Variants in MPHOSPH9 observed in about 807,000 individuals in gnomAD.
MPHOSPH9 encodes M-phase phosphoprotein 9.
Under a neutral mutation model 145.5 loss-of-function variants are expected in MPHOSPH9, and 88 were observed. That is an observed-to-expected ratio of 0.60 (90% CI 0.51 to 0.72). The LOEUF (loss-of-function observed/expected upper bound fraction) is 0.72. MPHOSPH9 is among the 30% of genes least tolerant of loss of function. The pLI is 0.00. For synonymous variants in MPHOSPH9, 435 were observed against 486.2 expected, an observed-to-expected ratio of 0.89 and a Z score of 1.39; for missense variants, 1,238 against 1,386.6, an observed-to-expected ratio of 0.89 and a Z score of 1.70.
chr12:123,233,269 A>AC (rs2047754118), upstream of MPHOSPH9: 1 of 151,986 alleles, frequency 6.6e-6, no homozygotes, highest in African/African-American at 2.4e-5. Context: ...GAGACATCCA[A>AC]CCCCGGGGGA....
chr12:123,232,882 C>G (rs1349052800), intron 1 of MPHOSPH9, 193 bp downstream of exon 1: 2 of 152,186 alleles, frequency 1.3e-5, no homozygotes, highest in African/African-American at 4.8e-5. Flanking sequence ...GGCGCCGAGT[C>G]TAGAAAAGGC....
Position 123,202,665 on chromosome 12 carries a change from G to C in MPHOSPH9, c.1740C>G (p.Cys580Trp), listed in dbSNP as rs536871070. The C allele has an allele frequency of 1.5e-5, 25 of 1,614,124 alleles. No homozygotes were observed. The highest frequency in any genetic ancestry group is 2.1e-5 in the Non-Finnish European group (25 of 1,180,006). ...LPGTANSVPECISLTSLEDPV... is the reference protein window; with the variant it reads ...LPGTANSVPEWISLTSLEDPV... ...GATCTTCCAAGGAAGTCAATGAAAT[G>C]CATTCTGGGACACTGTTGGCTGTAC... Residue 580 changes from cysteine to tryptophan, a missense_variant, in exon 10 of 24, where the codon TGC becomes TGG. Physicochemically the swap from Cys to Trp is radical, Grantham distance 215. Transcript: ENST00000606320.
Position 123,230,309 on chromosome 12 carries a change from G to C in MPHOSPH9, c.56C>G (p.Ser19Cys). Residue 19 changes from serine to cysteine, a missense_variant, in exon 2 of 24, where the codon TCT becomes TGT. Coordinates refer to ENST00000606320, the MANE Select transcript of MPHOSPH9 (RefSeq NM_022782.4). ...TLHKTSSSVG[S>C]DENSLHSLGL... The stretch of plus-strand genomic sequence containing the variant: ...AAGAGAATGAAGAGAATTTTCATCA[G>C]ATCCTACAGAAGATGAAGTTTTGTG... 6.5e-7 allele frequency: 1 copy of C among 1,534,288 alleles called. No individual in the cohort carries two copies. The highest frequency in any genetic ancestry group is 8.7e-7 in the Non-Finnish European group (1 of 1,145,598).
chr12:123,154,992 TAA>T lies in MPHOSPH9; in HGVS notation c.*1813_*1814del, dbSNP rs67657805. 10 of 137,426 alleles carry T rather than the reference TAA, an allele frequency of 7.3e-5. No homozygotes were observed. The highest frequency in any genetic ancestry group is 1.5e-4 in the Admixed American group (2 of 13,790). The allele number at this position is 137,426 out of a possible 1,614,324, so 8.5% of individuals were successfully genotyped here. A position where few individuals can be genotyped will look rare whatever the true frequency, so the allele number is the denominator to read the frequency against. On this transcript the variant is annotated 3_prime_UTR_variant, in exon 24 of 24. Transcript: ENST00000606320. ...CAATATGGTGAAACACCATCTCTAC[TAA>T]AAAAAAAAAAAAGATATATACATAC...
intron 16 of MPHOSPH9, among the ~76,000 whole-genome samples, chr12:123,172,871 CT>C (rs1161727056): frequency 1.2e-3 from 69 of 57,958 alleles, no homozygotes; most frequent in African/African-American, 3.2e-3. Flanking sequence ...TTTTCATTCA[CT>C]TTTTTTTTTT....
intron 5 of MPHOSPH9, among the ~76,000 whole-genome samples, chr12:123,221,017 T>C (rs903180027): frequency 2.6e-5 from 4 of 152,154 alleles, no homozygotes; most frequent in Non-Finnish European, 4.4e-5. Flanking sequence ...ATTGCGCCAC[T>C]GCACTCCAGC....
intron 22 of MPHOSPH9, 85 bp downstream of exon 22, chr12:123,161,051 C>G: frequency 6.7e-7 from 1 of 1,501,064 alleles, no homozygotes; most frequent in Non-Finnish European, 9.0e-7. Context: ...TTTCCTGAGA[C>G]AGGTTTGACT....
At chr12:123,226,658 TCA>T (rs1401358451) in intron 3 of MPHOSPH9, among the ~76,000 whole-genome samples, 4 of 152,078 alleles carry the variant, frequency 2.6e-5, no homozygotes, top group Non-Finnish European at 4.4e-5. Flanking sequence ...AGACAGGGTC[TCA>T]GTCTGTCACC....
intron 1 of MPHOSPH9, among the ~76,000 whole-genome samples, chr12:123,243,402 T>C (rs970265746): frequency 2.0e-5 from 3 of 152,082 alleles, no homozygotes; most frequent in Admixed American, 6.6e-5. Flanking sequence ...TGGTGGCAGA[T>C]GCCTGTAGTC....
At chr12:123,219,747 T>C (rs1412883676) in intron 5 of MPHOSPH9, among the ~76,000 whole-genome samples, 1 of 152,158 alleles carries the variant, frequency 6.6e-6, no homozygotes, top group Non-Finnish European at 1.5e-5. Flanking sequence ...ATGACACAAT[T>C]CAGGGACATG....
chr12:123,214,177 G>C (rs572741398), intron 7 of MPHOSPH9, among the ~76,000 whole-genome samples: 1 of 152,276 alleles, frequency 6.6e-6, no homozygotes, highest in Admixed American at 6.5e-5. Flanking sequence ...GATTTTTACA[G>C]CTGTTCAAAA....
intron 13 of MPHOSPH9, among the ~76,000 whole-genome samples, chr12:123,183,314 G>A (rs995752607): frequency 3.3e-5 from 5 of 151,886 alleles, no homozygotes; most frequent in Middle Eastern, 3.4e-3. Context: ...TTGGGAGGCC[G>A]AGGCAGGTGG....
intron 8 of MPHOSPH9, among the ~76,000 whole-genome samples, chr12:123,206,177 AGTG>A (rs1177274597): frequency 6.6e-6 from 1 of 152,102 alleles, no homozygotes; most frequent in African/African-American, 2.4e-5. Flanking sequence ...GGCCAGGCAT[AGTG>A]GTTCACATTT....
chr12:123,177,027 T>A (rs913648072), intron 15 of MPHOSPH9, among the ~76,000 whole-genome samples: 26 of 151,772 alleles, frequency 1.7e-4, no homozygotes, highest in Admixed American at 6.6e-5. Flanking sequence ...CTGTCTCTAC[T>A]AAAAATACAA....
intron 13 of MPHOSPH9, among the ~76,000 whole-genome samples, chr12:123,190,361 C>T (rs2045626729): frequency 6.6e-6 from 1 of 152,056 alleles, no homozygotes; most frequent in African/African-American, 2.4e-5. Context: ...AACGTGTTAG[C>T]CAGGATGGTC....
In MPHOSPH9 at chr12:123,181,177, G is replaced by A. The variant is rs370504484; in HGVS notation, c.2275C>T (p.His759Tyr). 1.8e-5 allele frequency: 29 copies of A among 1,611,698 alleles called. No individual in the cohort carries two copies. Among genetic ancestry groups the A allele is most frequent in the Non-Finnish European group, 2.3e-5 (27 of 1,178,250 alleles). The change falls in exon 14 of 24, where the codon CAC becomes TAC. Residue 759 changes from histidine (H) to tyrosine (Y), a missense_variant. Around this residue, in one of 3 missense-constraint regions of MPHOSPH9, gnomAD observed 837 missense variants for 897.5 expected, o/e 0.93. Coordinates refer to ENST00000606320, the MANE Select transcript of MPHOSPH9 (RefSeq NM_022782.4). ...TTACCCCTTACCTTTACTCTCCTGT[G>A]TTCTTTTCCAAGGGACTCATACTCT... ...LGEYESLGKE[H>Y]RRVKDALNTT...
intron 1 of MPHOSPH9, among the ~76,000 whole-genome samples, chr12:123,243,324 A>G (rs943293474): frequency 6.6e-6 from 1 of 152,022 alleles, no homozygotes; most frequent in Non-Finnish European, 1.5e-5. Flanking sequence ...AGGTCAGGAA[A>G]TCGAGAACAG....
intron 16 of MPHOSPH9, among the ~76,000 whole-genome samples, chr12:123,175,274 C>T (rs901196302): frequency 7.2e-5 from 11 of 152,016 alleles, no homozygotes; most frequent in Non-Finnish European, 1.5e-5. Context: ...CCTCAGCCTC[C>T]GGAGTAGCTG....
At chr12:123,234,379 T>C (rs569480048), upstream of MPHOSPH9, among the ~76,000 whole-genome samples, 2 of 150,304 alleles carry the variant, frequency 1.3e-5, no homozygotes, top group East Asian at 4.0e-4. Flanking sequence ...AATTTTTTTT[T>C]ACTTTTTTTA....
Sources: allele counts gnomAD v4.1 joint callset (sites outside exome capture counted in the v4.1 genomes callset), GRCh38; gene constraint gnomAD v4.1.1; regional missense constraint gnomAD v4.1.1; transcripts MANE v1.5; gene names NCBI Gene and HGNC (gene_info 2026-07-23, HGNC 2026-07-21).